ODAD2: variants seen among roughly 807,000 people sequenced by gnomAD.
ODAD2 encodes outer dynein arm docking complex subunit 2, also known as outer dynein arm-docking complex subunit 2.
Under a neutral mutation model 106.8 loss-of-function variants are expected in ODAD2, and 89 were observed. The observed-to-expected ratio is 0.83, with a 90% CI of 0.70 to 0.99. The LOEUF is 0.99. Ranked by LOEUF, ODAD2 falls within the 50% of genes least tolerant of loss-of-function variation. The probability of loss-of-function intolerance (pLI) is 0.00; values close to 1 mark genes in which losing one functional copy is unlikely to be tolerated. For missense variants in ODAD2, 1,168 were observed against 1,238.5 expected, an observed-to-expected ratio of 0.94 and a Z score of 0.85; for synonymous variants, 404 against 436.2, an observed-to-expected ratio of 0.93 and a Z score of 0.92.
intron 16 of ODAD2, among the ~76,000 whole-genome samples, chr10:27,924,623 A>AAAC (rs1845117676): frequency 6.9e-6 from 1 of 145,594 alleles, no homozygotes; most frequent in Non-Finnish European, 1.5e-5. Flanking sequence ...GGAAAAAAAA[A>AAAC]AAAAAAAAAA....
In ODAD2 at chr10:27,907,650, A is replaced by G. The variant is rs1445576927; in HGVS notation, c.2610+13T>C. 6.3e-7 allele frequency: 1 copy of G among 1,582,676 alleles called. No individual in the cohort carries two copies. The highest frequency in any genetic ancestry group is 8.7e-7 in the Non-Finnish European group (1 of 1,151,702). On this transcript the variant is annotated intron_variant, in intron 17 of 19. Transcript: ENST00000305242. ...GAGATTCTAGAAGAGACTGACTTGC[A>G]GTCCGTTCTTACCTTTGCATTTTTG...
intron 17 of ODAD2, among the ~76,000 whole-genome samples, chr10:27,900,276 A>G (rs1454554226): frequency 3.3e-5 from 5 of 152,182 alleles, no homozygotes; most frequent in African/African-American, 1.2e-4. Flanking sequence ...ATCAACATCA[A>G]CAAAAAGGAC....
At chr10:27,885,531 A>ATAT (rs1564465137) in intron 17 of ODAD2, among the ~76,000 whole-genome samples, 2 of 14,332 alleles carry the variant, frequency 1.4e-4, no homozygotes, top group Admixed American at 1.7e-3. Flanking sequence ...AAAAAAAAAA[A>ATAT]AAATATATAT....
At chr10:27,874,436 T>C (rs1368616129) in intron 17 of ODAD2, among the ~76,000 whole-genome samples, 2 of 152,332 alleles carry the variant, frequency 1.3e-5, no homozygotes, top group East Asian at 3.9e-4. Flanking sequence ...GTTGATGCAG[T>C]TTCTTCCTAG....
intron 17 of ODAD2, among the ~76,000 whole-genome samples, chr10:27,883,959 A>G (rs896593419): frequency 9.2e-5 from 14 of 151,856 alleles, no homozygotes; most frequent in African/African-American, 3.4e-4. Context: ...CAACATACAC[A>G]TATGAGCATT....
rs1434873171 is a variant in ODAD2 at position 27,862,526 on chromosome 10, C to T, written c.2707G>A (p.Ala903Thr). 5 of 1,612,436 alleles carry T rather than the reference C, an allele frequency of 3.1e-6. No individual in the cohort carries two copies. In the Admixed American group the frequency reaches 8.4e-5, roughly 27 times the overall value. The change falls in exon 18 of 20, where the codon GCT becomes ACT. Residue 903 changes from alanine (A) to threonine (T), a missense_variant. This residue lies in a region of ODAD2 where 701 missense variants were observed against 712.3 expected (regional missense o/e 0.98). Transcript: ENST00000305242. ...TCTTTTGCTATGTTGGTAATGGCAGCACATACACTTGCCAGAACTTCTTTG... is the reference window on the plus strand; with the variant it reads ...TCTTTTGCTATGTTGGTAATGGCAGTACATACACTTGCCAGAACTTCTTTG... ...DNKEVLASVCAAITNIAKDQE... is the reference protein window; with the variant it reads ...DNKEVLASVCTAITNIAKDQE...
chr10:27,838,830 C>A (rs1233662247), intron 19 of ODAD2, among the ~76,000 whole-genome samples: 1 of 152,182 alleles, frequency 6.6e-6, no homozygotes, highest in Admixed American at 6.5e-5. Context: ...ACAGAGTTGG[C>A]TGCAATTATT....
chr10:27,885,599 T>A (rs1330443867), intron 17 of ODAD2, among the ~76,000 whole-genome samples: 10 of 72,566 alleles, frequency 1.4e-4, no homozygotes, highest in African/African-American at 5.6e-5. Flanking sequence ...TATAAATATA[T>A]ATATAAAATA....
At chr10:27,883,585 C>T (rs995070525) in intron 17 of ODAD2, among the ~76,000 whole-genome samples, 4 of 151,898 alleles carry the variant, frequency 2.6e-5, no homozygotes, top group African/African-American at 9.7e-5. Flanking sequence ...ATAATGTTGG[C>T]CTTATTAGAA....
chr10:27,944,205 A>G lies in ODAD2; in HGVS notation c.1743+17T>C, dbSNP rs747226807. ...CGGCTGGCACTAGATGACGATGACA[A>G]CATCACGGCTACTCACCAGTTTGGT... is the stretch of plus-strand genomic sequence containing the variant. On this transcript the variant is annotated intron_variant, in intron 12 of 19. Coordinates refer to ENST00000305242, the MANE Select transcript of ODAD2 (RefSeq NM_018076.5). 2 of 1,602,646 alleles carry G rather than the reference A, an allele frequency of 1.2e-6. No individual in the cohort carries two copies. The highest frequency in any genetic ancestry group is 4.5e-5 in the East Asian group (2 of 44,454).
chr10:27,818,526 C>T (rs1836325290), intron 19 of ODAD2, among the ~76,000 whole-genome samples: 1 of 152,068 alleles, frequency 6.6e-6, no homozygotes, highest in Admixed American at 6.5e-5. Flanking sequence ...ATGAATAATG[C>T]CAGTTACCTG....
At chr10:27,874,733 C>G (rs1348618836) in intron 17 of ODAD2, among the ~76,000 whole-genome samples, 1 of 152,210 alleles carries the variant, frequency 6.6e-6, no homozygotes, top group Non-Finnish European at 1.5e-5. Flanking sequence ...CACTGTTAGT[C>G]TGATGGGCTT....
rs1835814379 is a variant in ODAD2, at chr10:27,812,497, A to G, written c.*15T>C. ...GTCATGTAGAATTTGATAGCTTGTA[A>G]TGTCCATTTAAATTTCAAGTGTATC... On this transcript the variant is annotated 3_prime_UTR_variant, in exon 20 of 20. Transcript: ENST00000305242. 3 of 1,611,886 alleles carry G rather than the reference A, an allele frequency of 1.9e-6. No individual in the cohort carries two copies. The African/African-American group carries it at 4.0e-5, about 22-fold the overall frequency.
chr10:27,997,485 A>C (rs1421509273), intron 1 of ODAD2: 2 of 152,272 alleles, frequency 1.3e-5, no homozygotes, highest in Non-Finnish European at 2.9e-5. Flanking sequence ...ATGGTAGTCA[A>C]CATACCATAT....
chr10:27,827,925 T>A (rs904204239), intron 19 of ODAD2, among the ~76,000 whole-genome samples: 3 of 152,166 alleles, frequency 2.0e-5, no homozygotes, highest in African/African-American at 7.2e-5. Context: ...ATATTACTTG[T>A]GCTACTTTAA....
chr10:27,993,511 G>A (rs570444975), intron 2 of ODAD2, among the ~76,000 whole-genome samples: 12 of 152,174 alleles, frequency 7.9e-5, no homozygotes, highest in Admixed American at 1.3e-4. Flanking sequence ...TTAGCCAGGC[G>A]TGGTGGCGGA....
At chr10:27,866,244 T>A (rs1405030638) in intron 17 of ODAD2, among the ~76,000 whole-genome samples, 1 of 152,150 alleles carries the variant, frequency 6.6e-6, no homozygotes, top group Non-Finnish European at 1.5e-5. Flanking sequence ...TTGCATGTCA[T>A]AGATGAAGAA....
chr10:27,835,662 G>A (rs534820216), intron 19 of ODAD2, among the ~76,000 whole-genome samples: 129 of 152,242 alleles, frequency 8.5e-4, no homozygotes, highest in African/African-American at 3.0e-3. Flanking sequence ...ATTATATACT[G>A]TATTCTTAAA....
At chr10:27,820,374 T>C (rs1378947588) in intron 19 of ODAD2, among the ~76,000 whole-genome samples, 2 of 151,064 alleles carry the variant, frequency 1.3e-5, no homozygotes, top group Non-Finnish European at 2.9e-5. Flanking sequence ...ATTCCCAAAC[T>C]CTTGATCCAG....
Sources: gnomAD v4.1 joint callset for allele counts (sites outside exome capture counted in the v4.1 genomes callset) on GRCh38, gnomAD v4.1.1 for gene constraint, gnomAD v4.1.1 regional missense constraint, MANE v1.5 for transcripts, NCBI Gene and HGNC (gene_info 2026-07-23, HGNC 2026-07-21) for gene names.